POLR1C: variants seen among roughly 807,000 people sequenced by gnomAD.
POLR1C encodes DNA-directed RNA polymerases I and III subunit RPAC1.
POLR1C carries 42 observed loss-of-function variants against 38.3 expected under a neutral mutation model. That is an observed-to-expected ratio of 1.10 (90% confidence interval 0.86 to 1.42). POLR1C has a LOEUF of 1.42. Ranked by LOEUF, POLR1C falls within the 40% of genes most tolerant of loss-of-function variation. The pLI is 0.00. For missense variants in POLR1C, 507 were observed against 450.5 expected (o/e 1.13, Z -1.14); for synonymous variants, 163 against 163.9 (o/e 0.99, Z 0.04).
chr6:43,533,213 T>TACACACACACACACAC (rs70990197), downstream of POLR1C: 62 of 135,222 alleles, frequency 4.6e-4, 1 homozygote, highest in Non-Finnish European at 5.0e-4. Context: ...GATACCTATC[T>TACACACACACACACAC]ACACACACAC....
chr6:43,523,848 A>G, downstream of POLR1C: 2 of 1,613,966 alleles, frequency 1.2e-6, no homozygotes, highest in Non-Finnish European at 1.7e-6. Flanking sequence ...AGGCCGAGGA[A>G]GGATGCCCAA....
chr6:43,517,696 A>G (rs1792907894), intron 2 of POLR1C, among the ~76,000 whole-genome samples: 1 of 152,120 alleles, frequency 6.6e-6, no homozygotes, highest in Non-Finnish European at 1.5e-5. Flanking sequence ...GCGGAGAGGT[A>G]CTTAACATTT....
chr6:43,550,342 C>G (rs1189404195), intron 9 of POLR1C, among the ~76,000 whole-genome samples: 1 of 152,192 alleles, frequency 6.6e-6, no homozygotes, highest in Non-Finnish European at 1.5e-5. Context: ...TAAACTCAGA[C>G]AAGAGTGTAG....
At chr6:43,557,784 A>T (rs866316933) in intron 10 of POLR1C, among the ~76,000 whole-genome samples, 1,456 of 6,028 alleles carry the variant, frequency 0.24, 27 homozygotes, top group African/African-American at 0.41. Flanking sequence ...ATAAAGCTGT[A>T]AAAAAAAAAA....
chr6:43,520,957 C>A lies in POLR1C; in HGVS notation c.831C>A (p.Asn277Lys), dbSNP rs1391621729. 1 of 1,614,134 alleles carries A rather than the reference C, an allele frequency of 6.2e-7. No individual in the cohort carries two copies. Among genetic ancestry groups the A allele is most frequent in the Admixed American group, 1.7e-5 (1 of 60,020 alleles). Residue 277 changes from asparagine to lysine, a missense_variant, in exon 8 of 9, where the codon AAC becomes AAA. Asn to Lys is a moderately conservative substitution (Grantham distance 94). Transcript: ENST00000642195. ...VQGKKVARVA[N>K]PRLDTFSREI... ...GTAAAAAGGTGGCCAGAGTTGCCAACCCCCGGCTGGATACCTTCAGCAGAG... is the reference window on the plus strand; with the variant it reads ...GTAAAAAGGTGGCCAGAGTTGCCAAACCCCGGCTGGATACCTTCAGCAGAG...
Position 43,520,260 on chromosome 6 carries a change from A to G in POLR1C, c.503-15A>G, listed in dbSNP as rs548176283. The G allele has an allele frequency of 1.2e-6, 2 of 1,613,434 alleles. No homozygotes were observed. The highest frequency in any genetic ancestry group is 1.1e-5 in the South Asian group (1 of 91,080). ...GTTTTAGGGACTGAGATCTTCTGAC[A>G]TGTTTTTCCTCCAGTGTATACCAGG... is the stretch of plus-strand genomic sequence containing the variant. On this transcript the variant is annotated splice_polypyrimidine_tract_variant and intron_variant, in intron 5 of 8. Transcript: ENST00000642195.
chr6:43,547,017 C>T (rs936108513), intron 9 of POLR1C, among the ~76,000 whole-genome samples: 2 of 152,112 alleles, frequency 1.3e-5, no homozygotes, highest in Non-Finnish European at 2.9e-5. Flanking sequence ...AGTGACCCAC[C>T]CACAGGACCC....
chr6:43,539,731 A>C, intron 9 of POLR1C: 1 of 618,020 alleles, frequency 1.6e-6, no homozygotes, highest in Admixed American at 3.0e-5. Flanking sequence ...AAGAAGCTAC[A>C]TTTTTCTATT....
intron 9 of POLR1C, chr6:43,549,622 A>G (rs928848259): frequency 1.3e-6 from 2 of 1,594,216 alleles, no homozygotes; most frequent in East Asian, 2.2e-5. Flanking sequence ...TTTTAATATA[A>G]TATACAGGTG....
chr6:43,555,173 C>T (rs1326383584), intron 10 of POLR1C: 2 of 152,196 alleles, frequency 1.3e-5, no homozygotes, highest in African/African-American at 2.4e-5. Context: ...AACTCTCGAC[C>T]TCAGGTGATC....
At chr6:43,526,076 C>T (rs1393869136), downstream of POLR1C, 4 of 691,248 alleles carry the variant, frequency 5.8e-6, no homozygotes, top group African/African-American at 7.2e-5. Flanking sequence ...CACATAATGC[C>T]CATGCCCATG....
At chr6:43,553,242 C>G (rs1262175140) in intron 10 of POLR1C, 2 of 1,197,344 alleles carry the variant, frequency 1.7e-6, no homozygotes, top group Admixed American at 2.8e-5. Flanking sequence ...TTGGAGGTTA[C>G]AGAGAGCTAT....
intron 2 of POLR1C, among the ~76,000 whole-genome samples, chr6:43,517,765 A>C (rs1792912686): frequency 6.6e-6 from 1 of 152,192 alleles, no homozygotes; most frequent in African/African-American, 2.4e-5. Flanking sequence ...AACAGGAGTT[A>C]AATTATGAAG....
At chr6:43,550,222 T>C (rs1202158190) in intron 9 of POLR1C, among the ~76,000 whole-genome samples, 1 of 152,210 alleles carries the variant, frequency 6.6e-6, no homozygotes, top group Non-Finnish European at 1.5e-5. Flanking sequence ...CGCCTCTCTC[T>C]TCTTTTATCA....
intron 10 of POLR1C, chr6:43,551,288 G>C: frequency 6.3e-7 from 1 of 1,574,886 alleles, no homozygotes; most frequent in Non-Finnish European, 8.6e-7. Context: ...AAAGGAGATG[G>C]GCTTTATACC....
chr6:43,556,064 A>G (rs907366370), intron 10 of POLR1C: 5 of 1,488,206 alleles, frequency 3.4e-6, no homozygotes, highest in Non-Finnish European at 4.5e-6. Context: ...AAAAGCATTC[A>G]AAGGAACTGT....
downstream of POLR1C, chr6:43,524,369 A>G (rs1286796212): frequency 7.0e-7 from 1 of 1,427,576 alleles, no homozygotes. Flanking sequence ...AAAAAAAAAA[A>G]AATCTCACCA....
intron 9 of POLR1C, chr6:43,548,231 G>T (rs376655925): frequency 1.9e-5 from 30 of 1,551,476 alleles, no homozygotes; most frequent in Non-Finnish European, 2.4e-5. Context: ...CTTGAGTATA[G>T]TAAGAGTCAG....
intron 10 of POLR1C, among the ~76,000 whole-genome samples, chr6:43,559,330 T>C (rs1424620375): frequency 2.6e-5 from 4 of 152,310 alleles, no homozygotes; most frequent in Middle Eastern, 6.8e-3. Context: ...GTGTGCTATG[T>C]GCTAGGCAAA....
Sources: gnomAD v4.1 joint callset for allele counts (sites outside exome capture counted in the v4.1 genomes callset) on GRCh38, gnomAD v4.1.1 for gene constraint, MANE v1.5 for transcripts, NCBI Gene and HGNC (gene_info 2026-07-23, HGNC 2026-07-21) for gene names.